Variants in SHROOM2 observed in about 807,000 individuals in gnomAD.
SHROOM2 encodes the protein shroom family member 2, also known as protein Shroom2.
In SHROOM2, 33 loss-of-function variants were observed where a neutral mutation model predicts 75.9. The observed-to-expected ratio is 0.43, with a 90% CI of 0.33 to 0.58. The LOEUF is 0.58. SHROOM2 is among the 20% of genes least tolerant of loss of function. SHROOM2 has a pLI of 0.04. For synonymous variants in SHROOM2, 655 were observed against 663.6 expected (o/e 0.99, Z 0.20); for missense variants, 1,434 against 1,461.2 (o/e 0.98, Z 0.30).
chrX:9,824,232 G>A (rs1052742409), intron 1 of SHROOM2, among the ~76,000 whole-genome samples: 88 of 108,665 alleles, frequency 8.1e-4, no homozygotes, highest in Non-Finnish European at 1.2e-3. Context: ...TCAGGAGTTC[G>A]AGACCAGCCT....
At chrX:9,914,709 G>A (rs2084471479) in intron 5 of SHROOM2, among the ~76,000 whole-genome samples, 1 of 111,839 alleles carries the variant, frequency 8.9e-6, no homozygotes, top group East Asian at 2.8e-4. Context: ...TATACCTTGG[G>A]TCCTACTATG....
chrX:9,891,130 G>A (rs1295941559), intron 3 of SHROOM2, 22 bp downstream of exon 3: 2 of 1,195,794 alleles, frequency 1.7e-6, no homozygotes, highest in East Asian at 3.0e-5. Context: ...TTCCCGTCCA[G>A]GATGCCAGGT....
intron 5 of SHROOM2, among the ~76,000 whole-genome samples, chrX:9,899,273 A>C (rs1177466415): frequency 9.1e-6 from 1 of 110,328 alleles, no homozygotes; most frequent in Non-Finnish European, 1.9e-5. Context: ...AAAAAAAAAA[A>C]ATAGTATAAT....
intron 5 of SHROOM2, among the ~76,000 whole-genome samples, chrX:9,912,114 A>ACACACT (rs2084431943): frequency 1.6e-5 from 1 of 63,500 alleles, no homozygotes; most frequent in Non-Finnish European, 2.7e-5. Flanking sequence ...CCAAACACAC[A>ACACACT]CACACACACA....
At chrX:9,803,130 G>C (rs1379634465) in intron 1 of SHROOM2, among the ~76,000 whole-genome samples, 1 of 103,544 alleles carries the variant, frequency 9.7e-6, no homozygotes, top group Non-Finnish European at 2.0e-5. Flanking sequence ...GTGGAGATGG[G>C]GGTCTTACTA....
chrX:9,820,057 T>C (rs1046410232), intron 1 of SHROOM2, among the ~76,000 whole-genome samples: 6 of 109,772 alleles, frequency 5.5e-5, no homozygotes, highest in African/African-American at 2.0e-4. Flanking sequence ...TGCCTAGGCC[T>C]CCCAAAGTGT....
At chrX:9,819,414 C>A (rs2083840149) in intron 1 of SHROOM2, 3 of 426,573 alleles carry the variant, frequency 7.0e-6, no homozygotes, top group South Asian at 7.2e-5. Flanking sequence ...GGCAATCAGA[C>A]AGGGCATCTT....
intron 2 of SHROOM2, among the ~76,000 whole-genome samples, chrX:9,875,653 C>T (rs2084197034): frequency 8.9e-6 from 1 of 112,226 alleles, no homozygotes; most frequent in Non-Finnish European, 1.9e-5. Flanking sequence ...CATGGGAGTT[C>T]CTGAGTCGGA....
In SHROOM2 at chrX:9,932,520, C is replaced by T. The variant is rs1041685317; in HGVS notation, c.3237C>T (p.Asp1079=). The T allele has an allele frequency of 1.1e-5, 13 of 1,209,056 alleles. No homozygotes were observed. Among genetic ancestry groups the T allele is most frequent in the Admixed American group, 2.2e-5 (1 of 45,812 alleles). The change falls in exon 6 of 10, where the codon GAC becomes GAT. Residue 1079 remains aspartate, a synonymous_variant. Transcript: ENST00000380913. ...KREPRRYRAT[D]GAPADAPVGV... ...AGCCCAGGAGATACAGGGCCACAGACGGCGCACCTGCTGACGCCCCCGTGG... is the reference window on the plus strand; with the variant it reads ...AGCCCAGGAGATACAGGGCCACAGATGGCGCACCTGCTGACGCCCCCGTGG...
chrX:9,828,613 T>C (rs775058396), intron 1 of SHROOM2, among the ~76,000 whole-genome samples: 19 of 110,796 alleles, frequency 1.7e-4, no homozygotes, highest in Non-Finnish European at 3.2e-4. Context: ...TATAGGTGCC[T>C]GCTACCATTC....
chrX:9,792,071 GAATA>G (rs2083659086), intron 1 of SHROOM2, among the ~76,000 whole-genome samples: 1 of 6,217 alleles, frequency 1.6e-4, no homozygotes, highest in African/African-American at 4.7e-4. Context: ...GAATAGAATA[GAATA>G]GAATAGAATA....
At position 9,818,704 on chromosome X, in the gene SHROOM2, T is replaced by G. The variant is rs1358683771; in HGVS notation, c.165+31994T>G. On this transcript the variant is annotated intron_variant, in intron 1 of 9. Transcript: ENST00000380913. ...AGTCAGAACAAGAGGGCCCATGGCT[T>G]TAACATCCAGTCCTTCTGCTTCAGT... 6.9e-6 allele frequency: 3 copies of G among 432,822 alleles called. No individual in the cohort carries two copies. The African/African-American group carries it at 7.4e-5, about 11-fold the overall frequency. 35.7% of individuals were successfully genotyped at this position (432,822 alleles called of 1,213,427 possible).
Position 9,786,486 on chromosome X carries a change from C to A in SHROOM2, c.-60C>A. 1.2e-6 allele frequency: 1 copy of A among 821,495 alleles called. No individual in the cohort carries two copies. Among genetic ancestry groups the A allele is most frequent in the East Asian group, 6.9e-5 (1 of 14,520 alleles). 67.7% of individuals were successfully genotyped at this position (821,495 alleles called of 1,213,427 possible). A position where few individuals can be genotyped will look rare whatever the true frequency, so the allele number is the denominator to read the frequency against. On this transcript the variant is annotated 5_prime_UTR_variant, in exon 1 of 10. Transcript: ENST00000380913. ...GGCGCTCGGAGCCTCCCTTGCGATC[C>A]CACGGCCGGGACTGCCCGGAGTGCA...
chrX:9,838,665 G>A (rs2083962581), intron 1 of SHROOM2, among the ~76,000 whole-genome samples: 1 of 111,930 alleles, frequency 8.9e-6, no homozygotes, highest in Non-Finnish European at 1.9e-5. Flanking sequence ...AAGCAAGCAA[G>A]CAAGAAACAA....
intron 7 of SHROOM2, among the ~76,000 whole-genome samples, chrX:9,938,341 C>G (rs914631768): frequency 1.8e-5 from 2 of 111,579 alleles, no homozygotes; most frequent in African/African-American, 3.3e-5. Flanking sequence ...CATTTAAGCC[C>G]ATGAATTCAA....
At chrX:9,914,059 A>ACCCCCCCCCCCCCCCCCCCCCCCCCCCC (rs1225524550) in intron 5 of SHROOM2, among the ~76,000 whole-genome samples, 1 of 48,650 alleles carries the variant, frequency 2.1e-5, no homozygotes, top group African/African-American at 7.8e-5. Context: ...ACCTGCGCCC[A>ACCCCCCCCCCCCCCCCCCCCCCCCCCCC]CCCCCCTGCC....
intron 1 of SHROOM2, among the ~76,000 whole-genome samples, chrX:9,864,432 A>G (rs907452040): frequency 9.0e-6 from 1 of 111,439 alleles, no homozygotes; most frequent in African/African-American, 3.3e-5. Flanking sequence ...ACTTTGGGAG[A>G]CCAAAGCAGG....
intron 1 of SHROOM2, among the ~76,000 whole-genome samples, chrX:9,793,766 A>G (rs1330250065): frequency 9.4e-6 from 1 of 106,407 alleles, no homozygotes; most frequent in African/African-American, 3.5e-5. Flanking sequence ...TTTTTTTTAG[A>G]CAGGGTCTTG....
At chrX:9,864,820 G>A (rs1273634235) in intron 1 of SHROOM2, among the ~76,000 whole-genome samples, 10 of 43,627 alleles carry the variant, frequency 2.3e-4, no homozygotes, top group East Asian at 7.0e-4. Flanking sequence ...GCGAGACTCC[G>A]TCTCAAAAAA....
Sources: allele counts gnomAD v4.1 joint callset (sites outside exome capture counted in the v4.1 genomes callset), GRCh38; gene constraint gnomAD v4.1.1; transcripts MANE v1.5; gene names NCBI Gene and HGNC (gene_info 2026-07-23, HGNC 2026-07-21).